The following SGCD variants were observed in gnomAD, a reference collection of about 807,000 sequenced individuals.
The protein encoded by SGCD is delta-sarcoglycan.
In SGCD, 18 loss-of-function variants were observed where a neutral mutation model predicts 36.6. The ratio of observed to expected loss-of-function variants is 0.49; its 90% CI spans 0.34 to 0.73. The LOEUF is 0.73. Ranked by LOEUF, SGCD falls within the 30% of genes least tolerant of loss-of-function variation. The pLI is 0.01. For missense variants in SGCD, 387 were observed against 346.7 expected (o/e 1.12, Z -0.92); for synonymous variants, 133 against 130.6 (o/e 1.02, Z -0.12).
intron 1 of SGCD, among the ~76,000 whole-genome samples, chr5:156,000,876 C>T (rs767143628): frequency 2.6e-5 from 4 of 151,892 alleles, no homozygotes; most frequent in South Asian, 2.1e-4. Context: ...TAAGAATTTG[C>T]GTATGTAATA....
intron 1 of SGCD, among the ~76,000 whole-genome samples, chr5:156,055,772 C>G (rs538258048): frequency 6.8e-6 from 1 of 146,020 alleles, no homozygotes; most frequent in East Asian, 1.9e-4. Context: ...TCTCTTCTAG[C>G]CTCAGAGCCA....
intron 6 of SGCD, among the ~76,000 whole-genome samples, chr5:156,633,238 A>G (rs1181211910): frequency 6.6e-6 from 1 of 152,192 alleles, no homozygotes; most frequent in African/African-American, 2.4e-5. Context: ...CTCACTGACG[A>G]TGTGCACTGT....
intron 7 of SGCD, among the ~76,000 whole-genome samples, chr5:156,724,671 T>A (rs1755684668): frequency 6.6e-6 from 1 of 152,086 alleles, no homozygotes; most frequent in African/African-American, 2.4e-5. Context: ...TCTAAAGACT[T>A]ATTATGGTGG....
At chr5:156,554,989 G>A (rs1356225096) in intron 4 of SGCD, among the ~76,000 whole-genome samples, 1 of 152,044 alleles carries the variant, frequency 6.6e-6, no homozygotes, top group Non-Finnish European at 1.5e-5. Flanking sequence ...CACTAATGAT[G>A]TTACACATCC....
chr5:156,295,682 A>G (rs1263429038), intron 3 of SGCD, among the ~76,000 whole-genome samples: 1 of 152,214 alleles, frequency 6.6e-6, no homozygotes, highest in African/African-American at 2.4e-5. Context: ...TCTTTATCCT[A>G]GCAGATGGCC....
intron 6 of SGCD, among the ~76,000 whole-genome samples, chr5:156,628,935 A>G (rs188445373): frequency 6.6e-6 from 1 of 152,348 alleles, no homozygotes; most frequent in Admixed American, 6.5e-5. Flanking sequence ...GAAGATATCA[A>G]CACTGCATTC....
the SGCD span, among the ~76,000 whole-genome samples, chr5:155,829,442 T>C: frequency 6.6e-6 from 1 of 152,196 alleles, no homozygotes; most frequent in African/African-American, 2.4e-5. Context: ...AGATGCACTA[T>C]GCTCTTCTCT....
chr5:155,934,352 G>T (rs187313424), intron 1 of SGCD, among the ~76,000 whole-genome samples: 1 of 152,192 alleles, frequency 6.6e-6, no homozygotes, highest in Non-Finnish European at 1.5e-5. Context: ...CCAGAGCTGC[G>T]TTGGCAAGAA....
intron 7 of SGCD, among the ~76,000 whole-genome samples, chr5:156,667,814 C>A (rs1753117858): frequency 6.6e-6 from 1 of 152,192 alleles, no homozygotes; most frequent in South Asian, 2.1e-4. Flanking sequence ...TGTCTTTCAT[C>A]AGGGCTCAAG....
At chr5:155,846,812 C>A in the SGCD span, among the ~76,000 whole-genome samples, 2 of 152,138 alleles carry the variant, frequency 1.3e-5, no homozygotes, top group Non-Finnish European at 2.9e-5. Flanking sequence ...TCTTCTAAGA[C>A]CCTATCATAT....
At chr5:155,987,459 T>C (rs914244366) in intron 1 of SGCD, among the ~76,000 whole-genome samples, 23 of 152,190 alleles carry the variant, frequency 1.5e-4, no homozygotes, top group Admixed American at 1.2e-3. Context: ...TGTTTGTTAC[T>C]CACAGTTTCT....
chr5:156,100,304 A>G (rs921316701), intron 1 of SGCD, among the ~76,000 whole-genome samples: 1 of 152,166 alleles, frequency 6.6e-6, no homozygotes, highest in Admixed American at 6.5e-5. Context: ...AAACAAAAAA[A>G]AAAACCATCT....
At chr5:155,735,665 A>AT in the SGCD span, among the ~76,000 whole-genome samples, 1 of 152,220 alleles carries the variant, frequency 6.6e-6, no homozygotes, top group Non-Finnish European at 1.5e-5. Context: ...GCATAGGTAG[A>AT]TACACAGCCT....
chr5:156,476,408 G>A (rs953074359), intron 3 of SGCD, among the ~76,000 whole-genome samples: 3 of 152,136 alleles, frequency 2.0e-5, no homozygotes, highest in African/African-American at 7.2e-5. Flanking sequence ...AGCTGAGAGG[G>A]AGTGAATTAA....
chr5:156,040,305 C>T (rs147847798), intron 1 of SGCD, among the ~76,000 whole-genome samples: 1,638 of 152,246 alleles, frequency 0.011, 18 homozygotes, highest in South Asian at 0.06. Flanking sequence ...TTGGCGTCTC[C>T]GACAAGCGGG....
the SGCD span, among the ~76,000 whole-genome samples, chr5:155,793,537 T>G: frequency 1.6e-3 from 241 of 150,924 alleles, 1 homozygote; most frequent in Non-Finnish European, 2.1e-3. Context: ...AAAATGTCAG[T>G]TTTTTTTTCT....
At chr5:156,200,065 C>A (rs1764108697) in intron 3 of SGCD, among the ~76,000 whole-genome samples, 3 of 152,118 alleles carry the variant, frequency 2.0e-5, no homozygotes, top group African/African-American at 7.2e-5. Context: ...GCTTGGAAGA[C>A]TTAATATTGT....
chr5:156,056,816 C>T (rs1760077543), intron 1 of SGCD, among the ~76,000 whole-genome samples: 2 of 145,608 alleles, frequency 1.4e-5, no homozygotes, highest in African/African-American at 2.5e-5. Context: ...GAGAATCTGT[C>T]GGGTGGTTAC....
intron 1 of SGCD, among the ~76,000 whole-genome samples, chr5:155,973,636 G>T (rs554462233): frequency 6.6e-6 from 1 of 152,214 alleles, no homozygotes; most frequent in African/African-American, 2.4e-5. Flanking sequence ...TATATGATGC[G>T]CAGAATGAAA....
Sources: allele counts gnomAD v4.1 joint callset (sites outside exome capture counted in the v4.1 genomes callset), GRCh38; gene constraint gnomAD v4.1.1; transcripts MANE v1.5; gene names NCBI Gene and HGNC (gene_info 2026-07-23, HGNC 2026-07-21).